The following FAM177B variants were observed in gnomAD, a reference collection of about 807,000 sequenced individuals.
The protein encoded by FAM177B is protein FAM177B.
Under a neutral mutation model 16.1 loss-of-function variants are expected in FAM177B, and 16 were observed. The observed-to-expected ratio is 0.99, with a 90% CI of 0.67 to 1.51. FAM177B has a LOEUF of 1.51. FAM177B is among the 40% of genes most tolerant of loss of function. The pLI is 0.00. For missense variants in FAM177B, 178 were observed against 183.7 expected (o/e 0.97, Z 0.18); for synonymous variants, 56 against 59.9 (o/e 0.93, Z 0.30).
chr1:222,749,508 TACTC>T lies in FAM177B; in HGVS notation c.287_290del (p.Thr96AsnfsTer8), dbSNP rs771432829. The T allele has an allele frequency of 8.4e-5, 135 of 1,611,552 alleles. 2 individuals are homozygous for T. Among genetic ancestry groups the T allele is most frequent in the East Asian group, 5.8e-4 (26 of 44,858 alleles). ...GAAGATTTGCTGTCTTCTTTGGTCT[TACTC>T]AACCCAAATATCAGTATGTGTTAAA... On this transcript the variant is annotated frameshift_variant, in exon 5 of 6. Coordinates refer to ENST00000445590, the MANE Select transcript of FAM177B (RefSeq NM_001394345.1). LOFTEE classifies it high-confidence loss of function.
At position 222,737,299 on chromosome 1, in the gene FAM177B, T is replaced by A. The variant is rs1041873826; in HGVS notation, c.-157T>A. ...GGAGGAAAGGGAAGACAGAGACAGG[T>A]GGAATATGGAGTGTTCAGTGTTGGT... On this transcript the variant is annotated 5_prime_UTR_variant, in exon 1 of 6. Transcript: ENST00000445590. The A allele has an allele frequency of 6.6e-6, 1 of 152,260 alleles. No homozygotes were observed. The highest frequency in any genetic ancestry group is 1.5e-5 in the Non-Finnish European group (1 of 68,180). The allele number at this position is 152,260 out of a possible 1,614,324, so 9.4% of individuals were successfully genotyped here.
Position 222,749,447 on chromosome 1 carries a change from G to A in FAM177B, c.242-18G>A. On this transcript the variant is annotated intron_variant, in intron 4 of 5. Transcript: ENST00000445590. ...AGTTAGTAATTCAGTTTACGCAAGT[G>A]CTCGTTCTTTCTTTTAGCATGTGAA... is the stretch of plus-strand genomic sequence containing the variant. 6.7e-7 allele frequency: 1 copy of A among 1,500,118 alleles called. No homozygotes were observed. The highest frequency in any genetic ancestry group is 9.2e-7 in the Non-Finnish European group (1 of 1,081,928). 92.9% of individuals were successfully genotyped at this position (1,500,118 alleles called of 1,614,324 possible).
At chr1:222,741,458 A>T (rs965828016) in intron 2 of FAM177B, among the ~76,000 whole-genome samples, 7 of 152,050 alleles carry the variant, frequency 4.6e-5, no homozygotes, top group African/African-American at 1.7e-4. Flanking sequence ...GGAATGGTTA[A>T]TGCTCAGTTT....
rs1658805564 is a variant in FAM177B at position 222,746,575 on chromosome 1, C to T, written c.30C>T (p.Asp10=). The change falls in exon 3 of 6, where the codon GAC becomes GAT. Residue 10 remains aspartate (D), a synonymous_variant. Coordinates refer to ENST00000445590, the MANE Select transcript of FAM177B (RefSeq NM_001394345.1). Reference sequence around the variant, plus strand: ...AGATTGACGGTTTCCAGCAGTTAGACCTAGAGAAGAGTGTACCTTCCAAAA... The same window carrying T: ...AGATTGACGGTTTCCAGCAGTTAGATCTAGAGAAGAGTGTACCTTCCAAAA... MEIDGFQQL[D]LEKSVPSKKT... is the part of the protein sequence containing the mutation. The T allele has an allele frequency of 6.2e-7, 1 of 1,608,424 alleles. No individual in the cohort carries two copies. The highest frequency in any genetic ancestry group is 8.5e-7 in the Non-Finnish European group (1 of 1,176,138).
intron 2 of FAM177B, among the ~76,000 whole-genome samples, chr1:222,741,527 T>A (rs1658529898): frequency 6.7e-6 from 1 of 149,316 alleles, no homozygotes; most frequent in Non-Finnish European, 1.5e-5. Context: ...GGATATTGAA[T>A]TCTCTATTTT....
chr1:222,742,315 T>G (rs927462561), intron 2 of FAM177B, among the ~76,000 whole-genome samples: 44 of 152,210 alleles, frequency 2.9e-4, no homozygotes, highest in Admixed American at 5.2e-4. Context: ...TACACTTCAT[T>G]GCAACTTGAA....
At chr1:222,738,104 A>G (rs1572000759) in intron 2 of FAM177B, 83 bp downstream of exon 2, 2 of 152,322 alleles carry the variant, frequency 1.3e-5, no homozygotes, top group East Asian at 3.9e-4. Flanking sequence ...ACAAATTAGG[A>G]TTGAGATGTC....
At chr1:222,749,149 A>G in intron 4 of FAM177B, 1 of 451,070 alleles carries the variant, frequency 2.2e-6, no homozygotes, top group South Asian at 1.8e-5. Flanking sequence ...ATAATGAACA[A>G]TACCTGTTCT....
intron 2 of FAM177B, among the ~76,000 whole-genome samples, chr1:222,742,981 A>G (rs556035861): frequency 1.7e-4 from 26 of 152,290 alleles, no homozygotes; most frequent in African/African-American, 5.8e-4. Flanking sequence ...TGTTAAGCAC[A>G]CTAATTTTAA....
chr1:222,746,843 T>C (rs1658821232), intron 3 of FAM177B, 124 bp downstream of exon 3: 2 of 1,016,746 alleles, frequency 2.0e-6, no homozygotes, highest in African/African-American at 1.6e-5. Flanking sequence ...CCTTTTTTGC[T>C]TTCTAAATCC....
chr1:222,748,326 G>T (rs1000064048), intron 4 of FAM177B, among the ~76,000 whole-genome samples: 2 of 152,164 alleles, frequency 1.3e-5, no homozygotes, highest in Non-Finnish European at 2.9e-5. Flanking sequence ...GATTAGGTCA[G>T]GTAAAAGAAG....
chr1:222,740,195 G>A (rs1040095926), intron 2 of FAM177B, among the ~76,000 whole-genome samples: 1 of 152,104 alleles, frequency 6.6e-6, no homozygotes, highest in African/African-American at 2.4e-5. Context: ...ATTAAACTCA[G>A]CACTGTAGCA....
intron 1 of FAM177B, 155 bp from the exon 2 acceptor site, chr1:222,737,749 C>T (rs1572000446): frequency 6.6e-6 from 1 of 152,288 alleles, no homozygotes; most frequent in South Asian, 2.1e-4. Context: ...ATTCTGGCTC[C>T]TTTTCGAGCG....
At position 222,750,420 on chromosome 1, in the gene FAM177B, C is replaced by T. The variant is rs751268315; in HGVS notation, c.*362C>T. 39 of 1,023,228 alleles carry T rather than the reference C, an allele frequency of 3.8e-5. No individual in the cohort carries two copies. In the Admixed American group the frequency reaches 6.7e-4, roughly 17 times the overall value. The allele number at this position is 1,023,228 out of a possible 1,614,324, so 63.4% of individuals were successfully genotyped here. A position where few individuals can be genotyped will look rare whatever the true frequency, so the allele number is the denominator to read the frequency against. ...TTGGCTGAAATCCTCTGTCATGGGACGAGGGTACAGTAAAGAAGCTCTATT... is the reference window on the plus strand; with the variant it reads ...TTGGCTGAAATCCTCTGTCATGGGATGAGGGTACAGTAAAGAAGCTCTATT... On this transcript the variant is annotated 3_prime_UTR_variant, in exon 6 of 6. Coordinates refer to ENST00000445590, the MANE Select transcript of FAM177B (RefSeq NM_001394345.1).
At chr1:222,742,601 A>G (rs959124895) in intron 2 of FAM177B, 1 of 152,186 alleles carries the variant, frequency 6.6e-6, no homozygotes, top group African/African-American at 2.4e-5. Flanking sequence ...AGCCTGGTAC[A>G]TACTGAAAAT....
At chr1:222,746,897 C>A in intron 3 of FAM177B, 118 bp from the exon 4 acceptor site, 1 of 928,952 alleles carries the variant, frequency 1.1e-6, no homozygotes. Flanking sequence ...GTCTCTTCAT[C>A]TGTGAGAGAG....
intron 2 of FAM177B, among the ~76,000 whole-genome samples, chr1:222,740,341 G>A (rs980614140): frequency 2.0e-5 from 3 of 152,140 alleles, no homozygotes; most frequent in African/African-American, 2.4e-5. Flanking sequence ...TTTAATGGAT[G>A]ACTGACAGTC....
intron 1 of FAM177B, 146 bp from the exon 2 acceptor site, chr1:222,737,758 C>T (rs562191067): frequency 2.0e-5 from 3 of 152,226 alleles, no homozygotes; most frequent in East Asian, 1.9e-4. Context: ...CCTTTTCGAG[C>T]GTAGACTGGA....
At chr1:222,749,882 T>C (rs1052057987) in intron 5 of FAM177B, 39 bp from the exon 6 acceptor site, 26 of 1,610,168 alleles carry the variant, frequency 1.6e-5, no homozygotes, top group Non-Finnish European at 2.2e-5. Context: ...AGGTCTTTGT[T>C]TGTACAGTTA....
Sources: gnomAD v4.1 joint callset for allele counts (sites outside exome capture counted in the v4.1 genomes callset) on GRCh38, gnomAD v4.1.1 for gene constraint, MANE v1.5 for transcripts, NCBI Gene and HGNC (gene_info 2026-07-23, HGNC 2026-07-21) for gene names.